Variants in NSUN7 observed in about 807,000 individuals in gnomAD.
The protein encoded by NSUN7 is NOP2/Sun RNA methyltransferase family member 7, also known as protein NSUN7.
A neutral mutation model predicts 58.5 loss-of-function variants in NSUN7; 39 were observed. That is an observed-to-expected ratio of 0.67 (90% CI 0.52 to 0.87). The LOEUF (loss-of-function observed/expected upper bound fraction) is 0.87. Among genes scored for constraint, NSUN7 ranks in the 40% least tolerant of loss-of-function variants. The probability of loss-of-function intolerance (pLI) is 0.00; values close to 1 mark genes in which losing one functional copy is unlikely to be tolerated. For missense variants in NSUN7, 765 were observed against 844.1 expected, an observed-to-expected ratio of 0.91 and a Z score of 1.16; for synonymous variants, 278 against 303.7, an observed-to-expected ratio of 0.92 and a Z score of 0.88.
At chr4:40,785,812 C>T (rs567612693) in intron 7 of NSUN7, among the ~76,000 whole-genome samples, 8 of 152,216 alleles carry the variant, frequency 5.3e-5, no homozygotes, top group Non-Finnish European at 1.0e-4. Flanking sequence ...TAAAATACTA[C>T]CATTAGAGAA....
chr4:40,809,967 A>T lies in NSUN7; in HGVS notation c.*1028A>T, dbSNP rs1744105773. On this transcript the variant is annotated 3_prime_UTR_variant, in exon 12 of 12. Transcript: ENST00000381782. Reference sequence around the variant, plus strand: ...CATCATGGCAACAGAAATTGTCATTAAATAGAATTAAGATACAACTATATA... The same window carrying T: ...CATCATGGCAACAGAAATTGTCATTTAATAGAATTAAGATACAACTATATA... 6.6e-6 allele frequency: 1 copy of T among 152,264 alleles called. No homozygotes were observed. Among genetic ancestry groups the T allele is most frequent in the Non-Finnish European group, 1.5e-5 (1 of 68,040 alleles). The allele number at this position is 152,264 out of a possible 1,614,324, so 9.4% of individuals were successfully genotyped here.
intron 10 of NSUN7, among the ~76,000 whole-genome samples, chr4:40,802,678 C>A (rs1017188387): frequency 6.6e-6 from 1 of 151,838 alleles, no homozygotes; most frequent in Non-Finnish European, 1.5e-5. Context: ...TTTATTGAAA[C>A]CTACAGTAGG....
intron 2 of NSUN7, among the ~76,000 whole-genome samples, chr4:40,752,650 GA>G (rs1292710044): frequency 2.6e-5 from 4 of 151,936 alleles, no homozygotes; most frequent in African/African-American, 4.8e-5. Flanking sequence ...TCCATCTCCT[GA>G]CTTTGTGATC....
chr4:40,809,043 G>T lies in NSUN7; in HGVS notation c.*104G>T. The T allele has an allele frequency of 8.5e-7, 1 of 1,170,932 alleles. No homozygotes were observed. Among genetic ancestry groups the T allele is most frequent in the Non-Finnish European group, 1.2e-6 (1 of 863,618 alleles). The allele number at this position is 1,170,932 out of a possible 1,614,324, so 72.5% of individuals were successfully genotyped here. The stretch of plus-strand genomic sequence containing the variant: ...CTCTACACAAGATATTCATTCTTTT[G>T]GTCACCTAGGGATCTTCTAAGTGTG... On this transcript the variant is annotated 3_prime_UTR_variant, in exon 12 of 12. Coordinates refer to ENST00000381782, the MANE Select transcript of NSUN7 (RefSeq NM_024677.6).
rs944438591 is a variant in NSUN7 at position 40,756,079 on chromosome 4, G to A, written c.299-4355G>A. Among the ~76,000 whole-genome samples the A allele has an allele frequency of 3.6e-4, 55 of 151,792 alleles. 1 individual carries two copies. Among genetic ancestry groups the A allele is most frequent in the Admixed American group, 6.6e-5 (1 of 15,236 alleles). ...GACCAAGCCGATACTGTGTGGTCTAGGACCCCAGGAAAAAAAAAAAGTACC... is the reference window on the plus strand; with the variant it reads ...GACCAAGCCGATACTGTGTGGTCTAAGACCCCAGGAAAAAAAAAAAGTACC... On this transcript the variant is annotated intron_variant, in intron 2 of 11. Coordinates refer to ENST00000381782, the MANE Select transcript of NSUN7 (RefSeq NM_024677.6).
Position 40,776,278 on chromosome 4 carries a change from T to C in NSUN7, c.1036+19T>C, listed in dbSNP as rs767979060. Reference sequence around the variant, plus strand: ...TGTAAAAGTATGTAAAAATATTTCTTCATTTGGTGATTATTGTTCTGCAAG... The same window carrying C: ...TGTAAAAGTATGTAAAAATATTTCTCCATTTGGTGATTATTGTTCTGCAAG... On this transcript the variant is annotated intron_variant, in intron 7 of 11. Coordinates refer to ENST00000381782, the MANE Select transcript of NSUN7 (RefSeq NM_024677.6). 40 of 1,489,562 alleles carry C rather than the reference T, an allele frequency of 2.7e-5. No homozygotes were observed. The highest frequency in any genetic ancestry group is 3.4e-5 in the Non-Finnish European group (37 of 1,095,452). 92.3% of individuals were successfully genotyped at this position (1,489,562 alleles called of 1,614,324 possible). A position where few individuals can be genotyped will look rare whatever the true frequency, so the allele number is the denominator to read the frequency against.
At chr4:40,784,761 T>C (rs1168492833) in intron 7 of NSUN7, among the ~76,000 whole-genome samples, 1 of 152,222 alleles carries the variant, frequency 6.6e-6, no homozygotes, top group East Asian at 1.9e-4. Context: ...GTTGTATACT[T>C]AAACCTTAAG....
chr4:40,785,932 C>T (rs914082854), intron 7 of NSUN7, among the ~76,000 whole-genome samples: 1 of 152,262 alleles, frequency 6.6e-6, no homozygotes, highest in Admixed American at 6.5e-5. Flanking sequence ...CGCCATCGCC[C>T]ACGCCTCCCT....
chr4:40,773,650 T>TGCATGCATGCCACTGCATGCATGCAC (rs1210166684), intron 4 of NSUN7, among the ~76,000 whole-genome samples: 1 of 148,908 alleles, frequency 6.7e-6, no homozygotes, highest in African/African-American at 2.5e-5. Context: ...GCCACTGCAC[T>TGCATGCATGCCACTGCATGCATGCAC]CCAGCCTGGG....
chr4:40,769,985 G>A (rs1355544581), intron 4 of NSUN7, among the ~76,000 whole-genome samples: 2 of 152,130 alleles, frequency 1.3e-5, no homozygotes, highest in African/African-American at 2.4e-5. Context: ...CGAGGCGGGT[G>A]GATCTCCTGA....
At chr4:40,764,480 CG>C (rs1358811724) in intron 4 of NSUN7, among the ~76,000 whole-genome samples, 1 of 151,322 alleles carries the variant, frequency 6.6e-6, no homozygotes, top group Non-Finnish European at 1.5e-5. Context: ...AGTCTATCAT[CG>C]TTGGACATTT....
At chr4:40,773,547 G>A (rs930767426) in intron 4 of NSUN7, among the ~76,000 whole-genome samples, 1 of 152,016 alleles carries the variant, frequency 6.6e-6, no homozygotes, top group Non-Finnish European at 1.5e-5. Flanking sequence ...GCTGGGTGTG[G>A]TGGTGCACAC....
At chr4:40,776,448 T>A in intron 7 of NSUN7, 189 bp downstream of exon 7, 1 of 448,606 alleles carries the variant, frequency 2.2e-6, no homozygotes, top group South Asian at 3.9e-5. Context: ...AACTGTGGGT[T>A]AAATTAATTT....
intron 7 of NSUN7, among the ~76,000 whole-genome samples, chr4:40,783,897 CATCT>C (rs1444905901): frequency 6.6e-6 from 1 of 150,676 alleles, no homozygotes; most frequent in Non-Finnish European, 1.5e-5. Context: ...ATTTTCAAAT[CATCT>C]ATCTGAAAAG....
At chr4:40,783,715 G>A (rs544877898) in intron 7 of NSUN7, among the ~76,000 whole-genome samples, 20 of 152,182 alleles carry the variant, frequency 1.3e-4, no homozygotes, top group African/African-American at 4.3e-4. Flanking sequence ...GGGAATGGTG[G>A]TGCACACTGG....
intron 8 of NSUN7, among the ~76,000 whole-genome samples, chr4:40,791,495 G>T (rs1743070954): frequency 6.6e-6 from 1 of 152,062 alleles, no homozygotes; most frequent in Admixed American, 6.6e-5. Context: ...AGTCTCCTAG[G>T]ATCATTGGGC....
chr4:40,774,552 G>T (rs1742174653), intron 5 of NSUN7, 135 bp downstream of exon 5: 2 of 874,330 alleles, frequency 2.3e-6, no homozygotes, highest in Non-Finnish European at 3.5e-6. Context: ...TTAAGTTCCA[G>T]AGCTTATGAC....
In NSUN7 at chr4:40,809,043, G is replaced by A; in HGVS notation, c.*104G>A. 5.1e-6 allele frequency: 6 copies of A among 1,170,932 alleles called. No individual in the cohort carries two copies. Among genetic ancestry groups the A allele is most frequent in the Non-Finnish European group, 6.9e-6 (6 of 863,618 alleles). The allele number at this position is 1,170,932 out of a possible 1,614,324, so 72.5% of individuals were successfully genotyped here. Reference sequence around the variant, plus strand: ...CTCTACACAAGATATTCATTCTTTTGGTCACCTAGGGATCTTCTAAGTGTG... The same window carrying A: ...CTCTACACAAGATATTCATTCTTTTAGTCACCTAGGGATCTTCTAAGTGTG... On this transcript the variant is annotated 3_prime_UTR_variant, in exon 12 of 12. Transcript: ENST00000381782.
At chr4:40,758,230 A>G (rs146838344) in intron 2 of NSUN7, among the ~76,000 whole-genome samples, 149 of 152,012 alleles carry the variant, frequency 9.8e-4, no homozygotes, top group Non-Finnish European at 1.8e-3. Flanking sequence ...AGCTTTTTCT[A>G]TTTCTTAGGA....
Sources: gnomAD v4.1 joint callset for allele counts (sites outside exome capture counted in the v4.1 genomes callset) on GRCh38, gnomAD v4.1.1 for gene constraint, MANE v1.5 for transcripts, NCBI Gene and HGNC (gene_info 2026-07-23, HGNC 2026-07-21) for gene names.